Variants in SCN4A observed in about 807,000 individuals in gnomAD.
SCN4A encodes sodium voltage-gated channel alpha subunit 4.
A neutral mutation model predicts 162.0 loss-of-function variants in SCN4A; 83 were observed. That is an observed-to-expected ratio of 0.51 (90% CI 0.43 to 0.61). The LOEUF is 0.61. Among genes scored for constraint, SCN4A ranks in the 20% least tolerant of loss-of-function variants. The pLI is 0.00. For synonymous variants in SCN4A, 944 were observed against 985.1 expected, an observed-to-expected ratio of 0.96 and a Z score of 0.78; for missense variants, 2,196 against 2,462.5, an observed-to-expected ratio of 0.89 and a Z score of 2.29.
At chr17:63,961,955 CT>C (rs1476582019) in intron 10 of SCN4A, among the ~76,000 whole-genome samples, 2 of 151,666 alleles carry the variant, frequency 1.3e-5, no homozygotes, top group Non-Finnish European at 2.9e-5. Flanking sequence ...TTCCCAACTC[CT>C]GAGGAAGCCC....
rs377602871 is a variant in SCN4A at position 63,968,143 on chromosome 17, A to C, written c.916T>G (p.Trp306Gly). 10 of 1,613,656 alleles carry C rather than the reference A, an allele frequency of 6.2e-6. No homozygotes were observed. The highest frequency in any genetic ancestry group is 8.5e-6 in the Non-Finnish European group (10 of 1,179,856). ...CCGTACCACATCTCATTGCCATACCATGTGTCATTGCCGTACCACGTGTCA... is the reference window on the plus strand; with the variant it reads ...CCGTACCACATCTCATTGCCATACCCTGTGTCATTGCCGTACCACGTGTCA... ...SNDTWYGNDT[W>G]YGNEMWYGND... is the part of the protein sequence containing the mutation. Residue 306 changes from tryptophan to glycine, a missense_variant, in exon 6 of 24, where the codon TGG becomes GGG. Transcript: ENST00000435607.
At chr17:63,943,175 G>A in intron 22 of SCN4A, 79 bp from the exon 23 acceptor site, 2 of 1,439,986 alleles carry the variant, frequency 1.4e-6, no homozygotes, top group Non-Finnish European at 1.9e-6. Context: ...AGGAGGCACA[G>A]GATGGCACCA....
Position 63,951,610 on chromosome 17 carries a change from C to T in SCN4A, c.2667G>A (p.Lys889=). 3.1e-6 allele frequency: 5 copies of T among 1,613,850 alleles called. No homozygotes were observed. The highest frequency in any genetic ancestry group is 4.2e-6 in the Non-Finnish European group (5 of 1,179,816). ...KKEPPEEDLK[K]DNHILNHMGL... is the part of the protein sequence containing the mutation. Reference sequence around the variant, plus strand: ...CCATGTGGTTCAGGATGTGATTGTCCTTCTTCAGGTCCTCCTCGGGCGGCT... The same window carrying T: ...CCATGTGGTTCAGGATGTGATTGTCTTTCTTCAGGTCCTCCTCGGGCGGCT... The change falls in exon 14 of 24, where the codon AAG becomes AAA. Residue 889 remains lysine, a synonymous_variant. Coordinates refer to ENST00000435607, the MANE Select transcript of SCN4A (RefSeq NM_000334.4). This position sits in a 1 kb window ranked among gnomAD's most constrained non-coding sequence, Gnocchi z 4.5.
At position 63,966,092 on chromosome 17, in the gene SCN4A, G is replaced by T; in HGVS notation, c.1242+10C>A. Reference sequence around the variant, plus strand: ...TGTAGGGTTGGGGGGCAGGGTGGGGGCAGCTGTACCAGCTGGAAGAGGTTC... The same window carrying T: ...TGTAGGGTTGGGGGGCAGGGTGGGGTCAGCTGTACCAGCTGGAAGAGGTTC... On this transcript the variant is annotated intron_variant, in intron 8 of 23. Coordinates refer to ENST00000435607, the MANE Select transcript of SCN4A (RefSeq NM_000334.4). The T allele has an allele frequency of 1.3e-6, 2 of 1,567,392 alleles. No individual in the cohort carries two copies. Among genetic ancestry groups the T allele is most frequent in the Non-Finnish European group, 1.7e-6 (2 of 1,154,970 alleles).
Position 63,949,510 on chromosome 17 carries a change from A to T in SCN4A, c.2872T>A (p.Tyr958Asn). 2 of 1,610,770 alleles carry T rather than the reference A, an allele frequency of 1.2e-6. No individual in the cohort carries two copies. Among genetic ancestry groups the T allele is most frequent in the Non-Finnish European group, 1.7e-6 (2 of 1,177,654 alleles). The change falls in exon 15 of 24, where the codon TAT becomes AAT. Residue 958 changes from tyrosine (Y) to asparagine (N), a missense_variant. Transcript: ENST00000435607. ...EDSKKPPQPL[Y>N]DGNSSVCSTA... ...CTGCAGACGGACGAGTTCCCATCAT[A>T]GAGAGGCTGCGGCGGCTTCTGCGGA...
chr17:63,945,182 G>A lies in SCN4A; in HGVS notation c.3721-122C>T. The A allele has an allele frequency of 1.8e-6, 2 of 1,097,838 alleles. No homozygotes were observed. Among genetic ancestry groups the A allele is most frequent in the African/African-American group, 1.6e-5 (1 of 64,514 alleles). The allele number at this position is 1,097,838 out of a possible 1,614,324, so 68.0% of individuals were successfully genotyped here. A position where few individuals can be genotyped will look rare whatever the true frequency, so the allele number is the denominator to read the frequency against. On this transcript the variant is annotated intron_variant, in intron 19 of 23. Coordinates refer to ENST00000435607, the MANE Select transcript of SCN4A (RefSeq NM_000334.4). The surrounding 1 kb of genome is among the most constrained non-coding windows in gnomAD (Gnocchi z 4.4). The stretch of plus-strand genomic sequence containing the variant: ...AGAGGCCGCCTGCCAGAGCCCCACT[G>A]GGCTAGCATCAAATAAAGACCAGAG...
At chr17:63,960,192 C>A (rs1909201586) in intron 11 of SCN4A, among the ~76,000 whole-genome samples, 1 of 152,260 alleles carries the variant, frequency 6.6e-6, no homozygotes. Flanking sequence ...GAGCCCCTCC[C>A]AGAGGCTGTC....
chr17:63,966,263 C>T lies in SCN4A; in HGVS notation c.1101-20G>A. 6.3e-7 allele frequency: 1 copy of T among 1,598,482 alleles called. No homozygotes were observed. The highest frequency in any genetic ancestry group is 8.5e-7 in the Non-Finnish European group (1 of 1,172,384). ...CAGTGCCTAGGAATAGGACAGGGGG[C>T]TGGGTTTAGGGTGGGAGGAGCACTC... On this transcript the variant is annotated intron_variant, in intron 7 of 23. Transcript: ENST00000435607.
In SCN4A at chr17:63,950,589, AAG is replaced by A. The variant is rs1471608444; in HGVS notation, c.2853+833_2853+834del. Among the ~76,000 whole-genome samples, 1 of 152,184 alleles carries A rather than the reference AAG, an allele frequency of 6.6e-6. No individual in the cohort carries two copies. Among genetic ancestry groups the A allele is most frequent in the African/African-American group, 2.4e-5 (1 of 41,444 alleles). On this transcript the variant is annotated intron_variant, in intron 14 of 23. Transcript: ENST00000435607. This position sits in a 1 kb window ranked among gnomAD's most constrained non-coding sequence, Gnocchi z 4.6. Reference sequence around the variant, plus strand: ...GTAAGCCAGCATATTTGGGGGGAATAAGGAGTCAAAAGCTTTCAGGGCAAAGT... The same window carrying A: ...GTAAGCCAGCATATTTGGGGGGAATAGAGTCAAAAGCTTTCAGGGCAAAGT...
chr17:63,951,916 AG>A lies in SCN4A; in HGVS notation c.2377-17del, dbSNP rs761358378. On this transcript the variant is annotated splice_polypyrimidine_tract_variant and intron_variant, in intron 13 of 23. Transcript: ENST00000435607. The surrounding 1 kb of genome is among the most constrained non-coding windows in gnomAD (Gnocchi z 4.5). ...GGTTCAGGACCTGGGGCATGGGGTC[AG>A]GGGGAGCCTCACATCAGTCCCCGGG... is the stretch of plus-strand genomic sequence containing the variant. The A allele has an allele frequency of 8.1e-5, 120 of 1,486,028 alleles. 4 individuals carry two copies. In the South Asian group the frequency reaches 9.5e-4, roughly 12 times the overall value. 92.1% of individuals were successfully genotyped at this position (1,486,028 alleles called of 1,614,324 possible).
chr17:63,968,176 A>G lies in SCN4A; in HGVS notation c.883T>C (p.Tyr295His), dbSNP rs1909511540. The change falls in exon 6 of 24, where the codon TAC (tyrosine) becomes CAC (histidine). Residue 295 changes from tyrosine (Y) to histidine (H), a missense_variant. By Grantham distance (83) the Tyr-to-His change is moderately conservative (BLOSUM62 2). Transcript: ENST00000435607. ...PPFNDTNTTW[Y>H]SNDTWYGNDT... ...TTGCCGTACCACGTGTCATTGCTGT[A>G]CCACGTGGTGTTGGTGTCGTTGAAC... The G allele has an allele frequency of 4.3e-6, 7 of 1,613,902 alleles. No homozygotes were observed. In the East Asian group the frequency reaches 1.6e-4, roughly 36 times the overall value.
chr17:63,948,878 C>A, intron 15 of SCN4A, 113 bp from the exon 16 acceptor site: 1 of 972,278 alleles, frequency 1.0e-6, no homozygotes, highest in East Asian at 2.7e-5. Context: ...CTCCAGCTCC[C>A]AGACCCAGGG....
rs765849987 is a variant in SCN4A, at chr17:63,966,215, T to C, written c.1129A>G (p.Lys377Glu). Residue 377 changes from lysine (K) to glutamate (E), a missense_variant, in exon 8 of 24, where the codon AAG (lysine) becomes GAG (glutamate). Transcript: ENST00000435607. ...GHCPEGYECI[K>E]TGRNPNYGYT... is the part of the protein sequence containing the mutation. The stretch of plus-strand genomic sequence containing the variant: ...CCATAGTTGGGGTTCCGCCCGGTCT[T>C]GATGCACTCATAACCCTCAGGGCAG... 6.2e-7 allele frequency: 1 copy of C among 1,604,370 alleles called. No individual in the cohort carries two copies. Among genetic ancestry groups the C allele is most frequent in the Non-Finnish European group, 8.5e-7 (1 of 1,175,558 alleles).
In SCN4A at chr17:63,951,937, C is replaced by G; in HGVS notation, c.2377-37G>C. The G allele has an allele frequency of 7.3e-7, 1 of 1,374,756 alleles. No individual in the cohort carries two copies. Among genetic ancestry groups the G allele is most frequent in the Non-Finnish European group, 9.8e-7 (1 of 1,022,220 alleles). 85.2% of individuals were successfully genotyped at this position (1,374,756 alleles called of 1,614,324 possible). ...GGTCAGGGGGAGCCTCACATCAGTC[C>G]CCGGGACCCAGAGGGTGCCACCTTC... On this transcript the variant is annotated intron_variant, in intron 13 of 23. Coordinates refer to ENST00000435607, the MANE Select transcript of SCN4A (RefSeq NM_000334.4). This position sits in a 1 kb window ranked among gnomAD's most constrained non-coding sequence, Gnocchi z 4.5.
Position 63,951,285 on chromosome 17 carries a change from A to G in SCN4A, c.2853+139T>C. The G allele has an allele frequency of 1.6e-6, 1 of 634,974 alleles. No homozygotes were observed. The highest frequency in any genetic ancestry group is 2.7e-6 in the Non-Finnish European group (1 of 365,490). 39.3% of individuals were successfully genotyped at this position (634,974 alleles called of 1,614,324 possible). A position where few individuals can be genotyped will look rare whatever the true frequency, so the allele number is the denominator to read the frequency against. On this transcript the variant is annotated intron_variant, in intron 14 of 23. Coordinates refer to ENST00000435607, the MANE Select transcript of SCN4A (RefSeq NM_000334.4). The surrounding 1 kb of genome is among the most constrained non-coding windows in gnomAD (Gnocchi z 4.5). ...GCATGCTTTACATACAGCGTCTCACATAATGCTTGCAACAATGCCATAGGG... is the reference window on the plus strand; with the variant it reads ...GCATGCTTTACATACAGCGTCTCACGTAATGCTTGCAACAATGCCATAGGG...
rs193185799 is a variant in SCN4A at position 63,958,733 on chromosome 17, C to T, written c.2019+532G>A. 3.5e-3 allele frequency among the ~76,000 whole-genome samples: 528 copies of T among 152,190 alleles called. 5 individuals are homozygous for T. Among genetic ancestry groups the T allele is most frequent in the African/African-American group, 0.012 (498 of 41,548 alleles). ...AAGCCCAGCTAATTTTTGTGTTTTT[C>T]GTAGAGACGGAGTTTCACCATGTTG... On this transcript the variant is annotated intron_variant, in intron 12 of 23. Coordinates refer to ENST00000435607, the MANE Select transcript of SCN4A (RefSeq NM_000334.4).
rs1389100618 is a variant in SCN4A at position 63,939,148 on chromosome 17, C to T, written c.*1623G>A. 4 of 152,700 alleles carry T rather than the reference C, an allele frequency of 2.6e-5. No individual in the cohort carries two copies. The highest frequency in any genetic ancestry group is 6.5e-5 in the Admixed American group (1 of 15,282). 9.5% of individuals were successfully genotyped at this position (152,700 alleles called of 1,614,324 possible). A position where few individuals can be genotyped will look rare whatever the true frequency, so the allele number is the denominator to read the frequency against. ...TCTTGTTTTGAAGGTTTTGCTGCTT[C>T]CTGAATTTTAATCAAACTTTTCATG... On this transcript the variant is annotated 3_prime_UTR_variant, in exon 24 of 24. Transcript: ENST00000435607.
rs982714362 is a variant in SCN4A, at chr17:63,972,291, C to T, written c.392+61G>A. 1.3e-6 allele frequency: 2 copies of T among 1,587,322 alleles called. No individual in the cohort carries two copies. The highest frequency in any genetic ancestry group is 2.7e-5 in the African/African-American group (2 of 74,452). ...GGAGGTGATAGAGGGTCTCCTGGGC[C>T]ACAGCACCCCATCTCGCCCATCCCT... On this transcript the variant is annotated intron_variant, in intron 2 of 23. Coordinates refer to ENST00000435607, the MANE Select transcript of SCN4A (RefSeq NM_000334.4). This position sits in a 1 kb window ranked among gnomAD's most constrained non-coding sequence, Gnocchi z 4.3.
At position 63,951,310 on chromosome 17, in the gene SCN4A, G is replaced by A. The variant is rs577366796; in HGVS notation, c.2853+114C>T. The A allele has an allele frequency of 2.8e-6, 2 of 720,456 alleles. No homozygotes were observed. The highest frequency in any genetic ancestry group is 4.6e-6 in the Non-Finnish European group (2 of 436,424). 44.6% of individuals were successfully genotyped at this position (720,456 alleles called of 1,614,324 possible). ...ATAATGCTTGCAACAATGCCATAGG[G>A]CACCACCCCCATTTTACAGCTGGAG... On this transcript the variant is annotated intron_variant, in intron 14 of 23. Transcript: ENST00000435607. This position sits in a 1 kb window ranked among gnomAD's most constrained non-coding sequence, Gnocchi z 4.5.
Sources: allele counts gnomAD v4.1 joint callset (sites outside exome capture counted in the v4.1 genomes callset), GRCh38; gene constraint gnomAD v4.1.1; non-coding constraint Gnocchi (gnomAD v3.1); transcripts MANE v1.5; gene names NCBI Gene and HGNC (gene_info 2026-07-23, HGNC 2026-07-21).